Variants in MECOM observed in about 807,000 individuals in gnomAD.
MECOM encodes histone-lysine N-methyltransferase MECOM.
MECOM carries 13 observed loss-of-function variants against 116.3 expected under a neutral mutation model. The ratio of observed to expected loss-of-function variants is 0.11; its 90% confidence interval spans 0.07 to 0.18. The LOEUF (loss-of-function observed/expected upper bound fraction) is 0.18, where lower values mean the gene tolerates loss of function less well. MECOM is among the 10% of genes least tolerant of loss of function. The pLI is 1.00. For synonymous variants in MECOM, 528 were observed against 535.2 expected, an observed-to-expected ratio of 0.99 and a Z score of 0.19; for missense variants, 1,299 against 1,509.0, an observed-to-expected ratio of 0.86 and a Z score of 2.31.
chr3:169,185,022 T>C (rs1746517777), intron 2 of MECOM, among the ~76,000 whole-genome samples: 1 of 152,162 alleles, frequency 6.6e-6, no homozygotes. Flanking sequence ...ATGGTGAGCC[T>C]ATTAACCCCA....
At position 169,335,585 on chromosome 3, in the gene MECOM, T is replaced by C. The variant is rs576355312; in HGVS notation, c.375+45602A>G. On this transcript the variant is annotated intron_variant, in intron 2 of 16. Transcript: ENST00000651503. Reference sequence around the variant, plus strand: ...ATAAGTGCAATCCTCAATATAAGTATGTAAATATATAACTGAGATTCACAC... The same window carrying C: ...ATAAGTGCAATCCTCAATATAAGTACGTAAATATATAACTGAGATTCACAC... 3.2e-4 allele frequency among the ~76,000 whole-genome samples: 49 copies of C among 152,252 alleles called. No homozygotes were observed. The South Asian group carries it at 9.5e-3, about 30-fold the overall frequency.
intron 8 of MECOM, among the ~76,000 whole-genome samples, chr3:169,113,914 T>C (rs1728262258): frequency 6.6e-6 from 1 of 152,054 alleles, no homozygotes; most frequent in Admixed American, 6.6e-5. Context: ...GGATTCTAGG[T>C]CTTTCATGAG....
intron 1 of MECOM, among the ~76,000 whole-genome samples, chr3:169,513,060 A>G (rs1215884209): frequency 1.3e-5 from 2 of 152,168 alleles, no homozygotes; most frequent in Admixed American, 6.5e-5. Context: ...CCCGGGTCCA[A>G]CTCCTGCCAA....
chr3:169,360,113 A>G (rs1727955548), intron 2 of MECOM, among the ~76,000 whole-genome samples: 1 of 151,554 alleles, frequency 6.6e-6, no homozygotes, highest in African/African-American at 2.4e-5. Context: ...ACTTTCAACC[A>G]TAAATCCTTA....
intron 6 of MECOM, among the ~76,000 whole-genome samples, chr3:169,122,341 A>T (rs531527020): frequency 6.6e-6 from 1 of 152,334 alleles, no homozygotes; most frequent in South Asian, 2.1e-4. Context: ...GATGTCTGAC[A>T]CCTAGTTCTG....
At chr3:169,560,350 G>C (rs932023650) in intron 1 of MECOM, among the ~76,000 whole-genome samples, 4 of 152,066 alleles carry the variant, frequency 2.6e-5, no homozygotes, top group Non-Finnish European at 4.4e-5. Context: ...TCTGCCAAAG[G>C]TGACTTAGAT....
intron 2 of MECOM, among the ~76,000 whole-genome samples, chr3:169,319,194 G>T (rs1382868476): frequency 2.6e-5 from 4 of 151,768 alleles, no homozygotes; most frequent in Non-Finnish European, 5.9e-5. Flanking sequence ...ATCAGTGATC[G>T]ACTGGATAAA....
intron 1 of MECOM, among the ~76,000 whole-genome samples, chr3:169,422,301 A>G (rs915754521): frequency 6.6e-6 from 1 of 152,142 alleles, no homozygotes; most frequent in African/African-American, 2.4e-5. Flanking sequence ...TCTGTAGGAT[A>G]AAATGAATGC....
intron 1 of MECOM, among the ~76,000 whole-genome samples, chr3:169,436,010 C>G (rs1742569589): frequency 3.3e-5 from 5 of 152,126 alleles, no homozygotes; most frequent in Admixed American, 2.6e-4. Flanking sequence ...GGCATCAACT[C>G]CACTGTTAAT....
At chr3:169,365,648 A>G (rs1011589508) in intron 2 of MECOM, among the ~76,000 whole-genome samples, 5 of 152,028 alleles carry the variant, frequency 3.3e-5, no homozygotes, top group African/African-American at 4.8e-5. Flanking sequence ...TCTATTTAAT[A>G]TCCATACTAT....
At chr3:169,443,241 A>G (rs986340541) in intron 1 of MECOM, among the ~76,000 whole-genome samples, 1 of 152,112 alleles carries the variant, frequency 6.6e-6, no homozygotes, top group African/African-American at 2.4e-5. Context: ...ACTCTCTTCC[A>G]AATGCCACCA....
At chr3:169,195,719 G>A (rs1205105534) in intron 2 of MECOM, among the ~76,000 whole-genome samples, 2 of 151,884 alleles carry the variant, frequency 1.3e-5, no homozygotes, top group African/African-American at 4.8e-5. Flanking sequence ...AAGATGCATT[G>A]TAGCCTGAGG....
intron 1 of MECOM, among the ~76,000 whole-genome samples, chr3:169,628,703 A>G (rs1419054396): frequency 1.3e-5 from 2 of 152,200 alleles, no homozygotes; most frequent in Non-Finnish European, 2.9e-5. Flanking sequence ...CCAGCAATGT[A>G]TCAAAGAAGT....
rs950895995 is a variant in MECOM, at chr3:169,123,303, A to T, written c.831-576T>A. ...GACTGATGCATGGATATATGCATGG[A>T]TGTGTGTGTGTGTGTGTGTGTGTAT... On this transcript the variant is annotated intron_variant, in intron 5 of 16. Coordinates refer to ENST00000651503, the MANE Select transcript of MECOM (RefSeq NM_004991.4). 2.7e-5 allele frequency among the ~76,000 whole-genome samples: 4 copies of T among 147,594 alleles called. No homozygotes were observed. The East Asian group carries it at 8.0e-4, about 29-fold the overall frequency.
chr3:169,092,914 C>T, intron 14 of MECOM, 44 bp downstream of exon 14: 2 of 1,610,532 alleles, frequency 1.2e-6, no homozygotes, highest in South Asian at 2.2e-5. Flanking sequence ...AAAACATGTT[C>T]ATTTCAGTCG....
chr3:169,514,762 C>A (rs954640041), intron 1 of MECOM, among the ~76,000 whole-genome samples: 7 of 152,144 alleles, frequency 4.6e-5, no homozygotes, highest in Non-Finnish European at 7.4e-5. Context: ...GAGTAAATAA[C>A]CCCTGAATGG....
At chr3:169,258,838 G>T (rs752654150) in intron 2 of MECOM, among the ~76,000 whole-genome samples, 1 of 152,058 alleles carries the variant, frequency 6.6e-6, no homozygotes, top group Non-Finnish European at 1.5e-5. Flanking sequence ...TAATAATATC[G>T]ACTATTATCT....
chr3:169,314,634 T>C lies in MECOM; in HGVS notation c.375+66553A>G, dbSNP rs59298003. On this transcript the variant is annotated intron_variant, in intron 2 of 16. Coordinates refer to ENST00000651503, the MANE Select transcript of MECOM (RefSeq NM_004991.4). ...AATAAAAGATGCCCAAGAATGAAAGTGGGAAAGAGAAGAAAAGGGAAAAGA... is the reference window on the plus strand; with the variant it reads ...AATAAAAGATGCCCAAGAATGAAAGCGGGAAAGAGAAGAAAAGGGAAAAGA... Among the ~76,000 whole-genome samples the C allele has an allele frequency of 7.8e-3, 1,169 of 149,436 alleles. 13 individuals are homozygous for C. Among genetic ancestry groups the C allele is most frequent in the African/African-American group, 0.028 (1,120 of 40,498 alleles).
chr3:169,499,613 A>G (rs1487289303), intron 1 of MECOM, among the ~76,000 whole-genome samples: 1 of 111,866 alleles, frequency 8.9e-6, no homozygotes, highest in Non-Finnish European at 1.8e-5. Flanking sequence ...TACTTCGACC[A>G]GGGGGAAAAA....
Sources: gnomAD v4.1 joint callset for allele counts (sites outside exome capture counted in the v4.1 genomes callset) on GRCh38, gnomAD v4.1.1 for gene constraint, MANE v1.5 for transcripts, NCBI Gene and HGNC (gene_info 2026-07-23, HGNC 2026-07-21) for gene names.